BTD: variants seen among roughly 807,000 people sequenced by gnomAD.
BTD encodes biocytinase.
Under a neutral mutation model 17.7 loss-of-function variants are expected in BTD, and 13 were observed. That is an observed-to-expected ratio of 0.74 (90% confidence interval 0.48 to 1.17). The LOEUF is 1.17. BTD is among the 50% of genes most tolerant of loss of function. BTD has a pLI of 0.00. For missense variants in BTD, 674 were observed against 650.4 expected (o/e 1.04, Z -0.39); for synonymous variants, 240 against 245.2 (o/e 0.98, Z 0.20).
intron 1 of BTD, among the ~76,000 whole-genome samples, chr3:15,619,574 G>A (rs1214893028): frequency 6.6e-6 from 1 of 152,090 alleles, no homozygotes; most frequent in Admixed American, 6.5e-5. Flanking sequence ...ATATTTGTTG[G>A]TGTAAAAGTC....
intron 1 of BTD, among the ~76,000 whole-genome samples, chr3:15,608,800 C>T (rs189603284): frequency 3.3e-5 from 5 of 152,110 alleles, no homozygotes; most frequent in East Asian, 3.9e-4. Flanking sequence ...AGTATTTCTC[C>T]GTATGATGGA....
At chr3:15,622,306 C>T (rs564064828) in intron 1 of BTD, among the ~76,000 whole-genome samples, 1 of 152,004 alleles carries the variant, frequency 6.6e-6, no homozygotes, top group African/African-American at 2.4e-5. Flanking sequence ...CTTTTCTGAC[C>T]CATTTGTTAT....
chr3:15,709,406 G>A (rs539832019), intron 3 of BTD, among the ~76,000 whole-genome samples: 2 of 152,040 alleles, frequency 1.3e-5, no homozygotes, highest in African/African-American at 2.4e-5. Context: ...ATTTTTGGAG[G>A]GGGGGAAGTG....
chr3:15,606,174 C>G (rs375908142), intron 1 of BTD, among the ~76,000 whole-genome samples: 6 of 151,944 alleles, frequency 3.9e-5, no homozygotes, highest in African/African-American at 1.4e-4. Context: ...ATATCAGTAC[C>G]TTTTGTGACA....
chr3:15,679,340 A>G (rs1252005843), intron 3 of BTD: 1 of 1,613,844 alleles, frequency 6.2e-7, no homozygotes, highest in African/African-American at 1.3e-5. Context: ...GCTGGCACCT[A>G]ATGTATCAAT....
chr3:15,640,803 A>G (rs2065479059), intron 2 of BTD, among the ~76,000 whole-genome samples: 2 of 152,152 alleles, frequency 1.3e-5, no homozygotes, highest in South Asian at 4.1e-4. Flanking sequence ...AATGAAAATA[A>G]CCAAAATATT....
At chr3:15,636,614 T>G (rs922285269) in intron 2 of BTD, among the ~76,000 whole-genome samples, 1 of 152,216 alleles carries the variant, frequency 6.6e-6, no homozygotes, top group African/African-American at 2.4e-5. Context: ...AGCAACACTT[T>G]CCTGCTCTCT....
chr3:15,679,726 G>A (rs1278426191), intron 3 of BTD, among the ~76,000 whole-genome samples: 1 of 152,126 alleles, frequency 6.6e-6, no homozygotes, highest in Non-Finnish European at 1.5e-5. Context: ...TAAGCCACCA[G>A]TAGTTCCTGA....
At chr3:15,694,779 T>A in intron 3 of BTD, 1 of 1,613,552 alleles carries the variant, frequency 6.2e-7, no homozygotes, top group Non-Finnish European at 8.5e-7. Flanking sequence ...ATTATCTGAA[T>A]CACTCAGCAT....
chr3:15,626,946 G>A (rs924527416), intron 1 of BTD, among the ~76,000 whole-genome samples: 4 of 152,142 alleles, frequency 2.6e-5, no homozygotes, highest in African/African-American at 9.7e-5. Flanking sequence ...AGGAAAAAAG[G>A]CATGCAAATA....
chr3:15,710,984 C>T (rs1198547093), exon 4 of BTD, among the ~76,000 whole-genome samples: 1 of 152,050 alleles, frequency 6.6e-6, no homozygotes, highest in Non-Finnish European at 1.5e-5. Context: ...GGCAGTATTT[C>T]CTTTTGTAGG....
intron 3 of BTD, among the ~76,000 whole-genome samples, chr3:15,700,458 CAA>C (rs71045180): frequency 1.6e-4 from 23 of 146,792 alleles, no homozygotes; most frequent in African/African-American, 4.3e-4. Flanking sequence ...AGTATAATGA[CAA>C]AAAAAAAAAA....
At chr3:15,694,742 C>T (rs760574302) in intron 3 of BTD, 28 of 1,613,210 alleles carry the variant, frequency 1.7e-5, no homozygotes, top group Non-Finnish European at 2.1e-5. Flanking sequence ...TACTCACAGC[C>T]AAGTGTAAAG....
downstream of BTD, among the ~76,000 whole-genome samples, chr3:15,653,829 A>C (rs1175874911): frequency 1.3e-5 from 2 of 152,248 alleles, no homozygotes; most frequent in Admixed American, 1.3e-4. Context: ...GTTAAGCATT[A>C]GTTCCGTGTA....
rs146136265 is a variant in BTD at position 15,645,485 on chromosome 3, C to A, written c.1569C>A (p.Asp523Glu). ...TCTATGGGCGCTTGTATGAGAGGGA[C>A]TAGGAAAAGTGTGTGGTCTGTGGGG... ...AALYGRLYER[D>E] is the part of the protein sequence containing the mutation. Residue 523 changes from aspartate (D) to glutamate (E), a missense_variant, in exon 4 of 4, where the codon GAC becomes GAA. Coordinates refer to ENST00000643237, the MANE Select transcript of BTD (RefSeq NM_001370658.1). 53 of 1,605,016 alleles carry A rather than the reference C, an allele frequency of 3.3e-5. No homozygotes were observed. The African/African-American group carries it at 6.4e-4, about 19-fold the overall frequency.
intron 3 of BTD, chr3:15,685,115 T>A: frequency 9.1e-7 from 1 of 1,095,738 alleles, no homozygotes; most frequent in Non-Finnish European, 1.4e-6. Context: ...ATACAGTAGA[T>A]TATTCCCAAG....
rs2065829896 is a variant in BTD, at chr3:15,653,018, G to GA, written c.*7534dup. 6.6e-6 allele frequency among the ~76,000 whole-genome samples: 1 copy of GA among 152,214 alleles called. No homozygotes were observed. On this transcript the variant is annotated 3_prime_UTR_variant, in exon 4 of 4. Transcript: ENST00000643237. ...GAGGAGGTATTCTGACAGTGGCCAG[G>GA]AAAACCTCCTGCCCGCAGAATTTTG... is the stretch of plus-strand genomic sequence containing the variant.
At chr3:15,691,809 T>C (rs1180854653) in intron 3 of BTD, among the ~76,000 whole-genome samples, 1 of 152,160 alleles carries the variant, frequency 6.6e-6, no homozygotes, top group Non-Finnish European at 1.5e-5. Flanking sequence ...TGAGGAATCA[T>C]ACATTAAATA....
downstream of BTD, among the ~76,000 whole-genome samples, chr3:15,653,948 T>C (rs2065843243): frequency 6.6e-6 from 1 of 152,236 alleles, no homozygotes; most frequent in African/African-American, 2.4e-5. Flanking sequence ...TTGGCCAGGC[T>C]GAATCTCAAG....
Sources: gnomAD v4.1 joint callset for allele counts (sites outside exome capture counted in the v4.1 genomes callset) on GRCh38, gnomAD v4.1.1 for gene constraint, MANE v1.5 for transcripts, NCBI Gene and HGNC (gene_info 2026-07-23, HGNC 2026-07-21) for gene names.